The following IL1A variants were observed in gnomAD, a reference collection of about 807,000 sequenced individuals.
IL1A encodes the protein interleukin-1 alpha.
In IL1A, 16 loss-of-function variants were observed where a neutral mutation model predicts 22.2. The observed-to-expected ratio is 0.72, with a 90% CI of 0.49 to 1.09. The LOEUF (loss-of-function observed/expected upper bound fraction) is 1.09. Ranked by LOEUF, IL1A falls within the 50% of genes least tolerant of loss-of-function variation. The pLI is 0.00. For missense variants in IL1A, 317 were observed against 321.8 expected, an observed-to-expected ratio of 0.99 and a Z score of 0.11; for synonymous variants, 113 against 118.5, an observed-to-expected ratio of 0.95 and a Z score of 0.30.
chr2:112,782,210 C>T (rs899285782), intron 3 of IL1A, among the ~76,000 whole-genome samples: 4 of 152,208 alleles, frequency 2.6e-5, no homozygotes, highest in African/African-American at 7.2e-5. Flanking sequence ...AAAGCCAGTA[C>T]TGAAGACATA....
intron 6 of IL1A, among the ~76,000 whole-genome samples, chr2:112,775,659 G>C (rs536069328): frequency 1.4e-5 from 2 of 144,382 alleles, no homozygotes; most frequent in Admixed American, 7.0e-5. Context: ...TAAACATTTT[G>C]ATCTCCAAGT....
chr2:112,780,973 T>C lies in IL1A; in HGVS notation c.319+631A>G, dbSNP rs3783579. Among the ~76,000 whole-genome samples, 698 of 151,970 alleles carry C rather than the reference T, an allele frequency of 4.6e-3. 7 individuals are homozygous for C. Among genetic ancestry groups the C allele is most frequent in the African/African-American group, 0.016 (669 of 41,426 alleles). ...AGGCAGAGCTTGCAGTGAGCCGAGA[T>C]TGCGCCACTGCACTCCAGCCTGGGT... is the stretch of plus-strand genomic sequence containing the variant. On this transcript the variant is annotated intron_variant, in intron 4 of 6. Transcript: ENST00000263339.
intron 6 of IL1A, 21 bp from the exon 7 acceptor site, chr2:112,775,288 T>C (rs772553599): frequency 3.4e-5 from 55 of 1,595,758 alleles, no homozygotes; most frequent in Non-Finnish European, 4.6e-5. Context: ...AAGAAGAGAA[T>C]TCTGTTAGAG....
At position 112,781,739 on chromosome 2, in the gene IL1A, T is replaced by C. The variant is rs1336071636; in HGVS notation, c.184A>G (p.Thr62Ala). 6.2e-7 allele frequency: 1 copy of C among 1,614,096 alleles called. No individual in the cohort carries two copies. Among genetic ancestry groups the C allele is most frequent in the East Asian group, 2.2e-5 (1 of 44,884 alleles). Reference sequence around the variant, plus strand: ...CTCTCCTTGAAGGTAAGCTTGGATGTTTTAGAGGTTTCAGAGATACTCAGA... The same window carrying C: ...CTCTCCTTGAAGGTAAGCTTGGATGCTTTAGAGGTTTCAGAGATACTCAGA... The part of the protein sequence containing the change: ...VSLSISETSK[T>A]SKLTFKESMV... Residue 62 changes from threonine to alanine, a missense_variant, in exon 4 of 7, where the codon ACA becomes GCA. By Grantham distance (58) the Thr-to-Ala change is moderately conservative. Coordinates refer to ENST00000263339, the MANE Select transcript of IL1A (RefSeq NM_000575.5).
intron 3 of IL1A, 89 bp downstream of exon 3, chr2:112,782,627 T>G (rs897788441): frequency 1.0e-6 from 1 of 958,026 alleles, no homozygotes; most frequent in South Asian, 1.4e-5. Context: ...ACAAAAGTAT[T>G]GAAGATTCAA....
intron 4 of IL1A, among the ~76,000 whole-genome samples, chr2:112,781,147 GT>G (rs1681190734): frequency 6.6e-6 from 1 of 152,092 alleles, no homozygotes; most frequent in African/African-American, 2.4e-5. Flanking sequence ...CTTTATAACA[GT>G]CAGGAGGGCC....
At chr2:112,783,675 G>A in intron 2 of IL1A, 49 bp downstream of exon 2, 6 of 1,515,918 alleles carry the variant, frequency 4.0e-6, no homozygotes, top group African/African-American at 1.4e-5. Flanking sequence ...GGATTCTGGT[G>A]AGCCTTGAAA....
In IL1A at chr2:112,782,738, A is replaced by G. The variant is rs139798825; in HGVS notation, c.74T>C (p.Ile25Thr). The change falls in exon 3 of 7, where the codon ATT (isoleucine) becomes ACT (threonine). Residue 25 changes from isoleucine (I) to threonine (T), a missense_variant. Coordinates refer to ENST00000263339, the MANE Select transcript of IL1A (RefSeq NM_000575.5). ...TACCTGATTCAGAGACAGATGATCA[A>G]TGGAGGAACTGTCTTCTTCATTTTC... ...YSENEEDSSSIDHLSLNQKSF... is the reference protein window; with the variant it reads ...YSENEEDSSSTDHLSLNQKSF... 3.3e-4 allele frequency: 525 copies of G among 1,608,978 alleles called. No homozygotes were observed. The highest frequency in any genetic ancestry group is 4.2e-4 in the Non-Finnish European group (490 of 1,175,444).
At chr2:112,783,590 C>G in intron 2 of IL1A, 134 bp downstream of exon 2, 1 of 685,844 alleles carries the variant, frequency 1.5e-6, no homozygotes, top group Non-Finnish European at 2.6e-6. Context: ...TGAACCTGCT[C>G]TGACTTCAGG....
chr2:112,782,152 T>A (rs187791773), intron 3 of IL1A, among the ~76,000 whole-genome samples: 2 of 152,220 alleles, frequency 1.3e-5, no homozygotes, highest in Non-Finnish European at 2.9e-5. Context: ...AAAATCTGCT[T>A]AACAATGCTC....
intron 3 of IL1A, among the ~76,000 whole-genome samples, chr2:112,782,321 C>T (rs1463025228): frequency 6.6e-6 from 1 of 152,228 alleles, no homozygotes; most frequent in Non-Finnish European, 1.5e-5. Flanking sequence ...TGCTTCCTCT[C>T]TCTCAGCTTC....
rs557593344 is a variant in IL1A, at chr2:112,777,088, A to C, written c.615+899T>G. Among the ~76,000 whole-genome samples, 52 of 143,966 alleles carry C rather than the reference A, an allele frequency of 3.6e-4. No individual in the cohort carries two copies. The East Asian group carries it at 7.5e-3, about 21-fold the overall frequency. 94.4% of individuals were successfully genotyped at this position (143,966 alleles called of 152,430 possible). A position where few individuals can be genotyped will look rare whatever the true frequency, so the allele number is the denominator to read the frequency against. On this transcript the variant is annotated intron_variant, in intron 6 of 6. Transcript: ENST00000263339. Reference sequence around the variant, plus strand: ...AAATAGCACTCTCCCACTTTTCTCTATCTTAGCACCCTATTCATTTTTTTT... The same window carrying C: ...AAATAGCACTCTCCCACTTTTCTCTCTCTTAGCACCCTATTCATTTTTTTT...
chr2:112,781,487 C>CTAA (rs1681197749), intron 4 of IL1A, 117 bp downstream of exon 4: 1 of 825,264 alleles, frequency 1.2e-6, no homozygotes. Context: ...AGTTACCAGA[C>CTAA]TAATGCTTGG....
At chr2:112,779,775 T>G (rs2071374) in intron 4 of IL1A, 109 bp from the exon 5 acceptor site, 174,668 of 651,250 alleles carry the variant, frequency 0.27, 24,045 homozygotes, top group Non-Finnish European at 0.28. Context: ...TTAGGAATAT[T>G]CCAATCCAGA....
At chr2:112,783,801 C>T (rs1282800325) in intron 1 of IL1A, 23 bp from the exon 2 acceptor site, 7 of 1,610,542 alleles carry the variant, frequency 4.3e-6, no homozygotes, top group Non-Finnish European at 5.1e-6. Context: ...ACACCAGCCA[C>T]CATCAGCTCA....
rs1447490346 is a variant in IL1A, at chr2:112,781,641, A to C, written c.282T>G (p.Asp94Glu). 2 of 1,614,222 alleles carry C rather than the reference A, an allele frequency of 1.2e-6. No individual in the cohort carries two copies. The highest frequency in any genetic ancestry group is 1.7e-6 in the Non-Finnish European group (2 of 1,180,036). The change falls in exon 4 of 7, where the codon GAT (aspartate) becomes GAG (glutamate). Residue 94 changes from aspartate (D) to glutamate (E), a missense_variant. Physicochemically the swap from Asp to Glu is conservative, Grantham distance 45. Coordinates refer to ENST00000263339, the MANE Select transcript of IL1A (RefSeq NM_000575.5). ...CATTGGCGATGGCCTCCAGGTCATCATCAGTGATGGATTGGCTTAAACTCA... is the reference window on the plus strand; with the variant it reads ...CATTGGCGATGGCCTCCAGGTCATCCTCAGTGATGGATTGGCTTAAACTCA... ...RRLSLSQSIT[D>E]DDLEAIANDS...
intron 6 of IL1A, 27 bp from the exon 7 acceptor site, chr2:112,775,294 T>C (rs1295562717): frequency 1.3e-6 from 2 of 1,588,794 alleles, no homozygotes; most frequent in Non-Finnish European, 8.6e-7. Flanking sequence ...AGAATTCTGT[T>C]AGAGAACAAG....
intron 6 of IL1A, 37 bp from the exon 7 acceptor site, chr2:112,775,304 G>T: frequency 6.4e-7 from 1 of 1,570,706 alleles, no homozygotes; most frequent in Non-Finnish European, 8.8e-7. Context: ...TAGAGAACAA[G>T]ATGGTAGAAA....
At position 112,775,070 on chromosome 2, in the gene IL1A, C is replaced by A. The variant is rs3783588; in HGVS notation, c.813G>T (p.Ala271=). ...ITDFQILENQ[A] ...TGAGACAAGTGAGACTCCAGACCTA[C>A]GCCTGGTTTTCCAGTATCTGAAAGT... The change falls in exon 7 of 7, where the codon GCG becomes GCT. Residue 271 remains alanine, a synonymous_variant. Transcript: ENST00000263339. 7 of 1,612,702 alleles carry A rather than the reference C, an allele frequency of 4.3e-6. No individual in the cohort carries two copies. The highest frequency in any genetic ancestry group is 5.9e-6 in the Non-Finnish European group (7 of 1,178,790).
Sources: allele counts gnomAD v4.1 joint callset (sites outside exome capture counted in the v4.1 genomes callset), GRCh38; gene constraint gnomAD v4.1.1; transcripts MANE v1.5; gene names NCBI Gene and HGNC (gene_info 2026-07-23, HGNC 2026-07-21).